Variants in GPC6 observed in about 807,000 individuals in gnomAD.
GPC6 encodes glypican 6, also known as glypican-6.
GPC6 carries 14 observed loss-of-function variants against 55.2 expected under a neutral mutation model. The observed-to-expected ratio is 0.25, with a 90% confidence interval of 0.17 to 0.40. GPC6 has a LOEUF of 0.40. Among genes scored for constraint, GPC6 ranks in the 10% least tolerant of loss-of-function variants. GPC6 has a pLI of 1.00. For missense variants in GPC6, 641 were observed against 708.5 expected, an observed-to-expected ratio of 0.90 and a Z score of 1.08; for synonymous variants, 278 against 259.6, an observed-to-expected ratio of 1.07 and a Z score of -0.68.
intron 1 of GPC6, among the ~76,000 whole-genome samples, chr13:93,366,031 C>A (rs1461865492): frequency 6.6e-6 from 1 of 151,986 alleles, no homozygotes; most frequent in East Asian, 1.9e-4. Flanking sequence ...TCAAAACAAT[C>A]CAAGTAGTGG....
In GPC6 at chr13:93,641,472, C is replaced by T. The variant is rs116324626; in HGVS notation, c.319+96051C>T. ...ACATGCTTAACACACGAAGATCTTT[C>T]TTTCTCCATGTGTAAAATGAGGATA... On this transcript the variant is annotated intron_variant, in intron 2 of 8. Coordinates refer to ENST00000377047, the MANE Select transcript of GPC6 (RefSeq NM_005708.5). Among the ~76,000 whole-genome samples the T allele has an allele frequency of 1.6e-3, 242 of 152,200 alleles. 2 individuals carry two copies. The highest frequency in any genetic ancestry group is 5.5e-3 in the African/African-American group (228 of 41,534).
At chr13:93,709,111 C>T (rs576924457) in intron 2 of GPC6, among the ~76,000 whole-genome samples, 50 of 151,880 alleles carry the variant, frequency 3.3e-4, no homozygotes, top group African/African-American at 1.2e-3. Flanking sequence ...TTTCCATTGC[C>T]ATTTTTAGCA....
intron 4 of GPC6, among the ~76,000 whole-genome samples, chr13:94,029,788 T>A (rs918973027): frequency 6.6e-6 from 1 of 152,214 alleles, no homozygotes; most frequent in Non-Finnish European, 1.5e-5. Context: ...CTTTTTGTCC[T>A]CAGTGCTTAC....
chr13:94,120,505 T>G (rs1047198292), intron 4 of GPC6, among the ~76,000 whole-genome samples: 29 of 152,058 alleles, frequency 1.9e-4, no homozygotes, highest in Admixed American at 1.6e-3. Context: ...AAACTGATCA[T>G]GTACACTTAA....
intron 2 of GPC6, among the ~76,000 whole-genome samples, chr13:93,574,760 C>G (rs9589779): frequency 0.035 from 5,293 of 152,232 alleles, 294 homozygotes; most frequent in African/African-American, 0.12. Flanking sequence ...CACACATCAA[C>G]TCATGTGCGT....
intron 2 of GPC6, among the ~76,000 whole-genome samples, chr13:93,783,181 T>C (rs1885709947): frequency 6.6e-6 from 1 of 152,244 alleles, no homozygotes. Flanking sequence ...TAGTATTCCA[T>C]GGTGTATACA....
intron 3 of GPC6, among the ~76,000 whole-genome samples, chr13:93,898,995 GAT>G (rs1370386756): frequency 7.0e-6 from 1 of 143,552 alleles, no homozygotes; most frequent in Admixed American, 7.1e-5. Flanking sequence ...ATACATCCCA[GAT>G]ATATAGCTTT....
At chr13:93,436,085 A>G (rs1010221172) in intron 1 of GPC6, among the ~76,000 whole-genome samples, 4 of 152,154 alleles carry the variant, frequency 2.6e-5, no homozygotes, top group African/African-American at 9.7e-5. Flanking sequence ...CCAATTGTAG[A>G]TATTTGCATA....
At chr13:94,078,323 A>C (rs1884990726) in intron 4 of GPC6, among the ~76,000 whole-genome samples, 1 of 151,890 alleles carries the variant, frequency 6.6e-6, no homozygotes, top group Non-Finnish European at 1.5e-5. Context: ...GAATGATCTC[A>C]AAAAACCTAA....
chr13:93,800,080 C>T (rs1014343959), intron 2 of GPC6, among the ~76,000 whole-genome samples: 2 of 152,038 alleles, frequency 1.3e-5, no homozygotes, highest in African/African-American at 2.4e-5. Flanking sequence ...TGCTACATCA[C>T]GTAATATTGG....
At chr13:93,554,154 A>AG (rs1875325365) in intron 2 of GPC6, among the ~76,000 whole-genome samples, 1 of 151,740 alleles carries the variant, frequency 6.6e-6, no homozygotes, top group African/African-American at 2.4e-5. Flanking sequence ...TCAAAAAAAA[A>AG]AAAAGAGAGA....
chr13:93,234,844 C>A (rs2139007153), intron 1 of GPC6, among the ~76,000 whole-genome samples: 1 of 152,216 alleles, frequency 6.6e-6, no homozygotes, highest in South Asian at 2.1e-4. Flanking sequence ...AACTCAATAT[C>A]ATTAAACCAG....
intron 2 of GPC6, among the ~76,000 whole-genome samples, chr13:93,590,575 A>G (rs1877415413): frequency 6.6e-6 from 1 of 152,054 alleles, no homozygotes. Flanking sequence ...AAAATTATAT[A>G]TTTCTTTTCG....
At chr13:94,065,402 T>C (rs535505906) in intron 4 of GPC6, among the ~76,000 whole-genome samples, 1 of 152,294 alleles carries the variant, frequency 6.6e-6, no homozygotes, top group African/African-American at 2.4e-5. Flanking sequence ...AACTGACCTT[T>C]AGGAAGTTTG....
At chr13:93,372,954 C>G (rs761571978) in intron 1 of GPC6, among the ~76,000 whole-genome samples, 2 of 152,140 alleles carry the variant, frequency 1.3e-5, no homozygotes, top group Non-Finnish European at 2.9e-5. Flanking sequence ...AAAATATCTT[C>G]CTATTCCCTT....
At chr13:94,209,286 A>G (rs997882765) in intron 4 of GPC6, among the ~76,000 whole-genome samples, 4 of 152,118 alleles carry the variant, frequency 2.6e-5, no homozygotes, top group African/African-American at 9.7e-5. Context: ...GGCTGCCTCT[A>G]GTACTTGGTT....
At chr13:93,315,644 T>C (rs183687839) in intron 1 of GPC6, among the ~76,000 whole-genome samples, 86 of 152,054 alleles carry the variant, frequency 5.7e-4, no homozygotes, top group Admixed American at 2.9e-3. Context: ...TCACTAAGAC[T>C]AAAAGTGTAC....
chr13:93,562,405 A>G (rs921050053), intron 2 of GPC6, among the ~76,000 whole-genome samples: 1 of 152,178 alleles, frequency 6.6e-6, no homozygotes, highest in African/African-American at 2.4e-5. Context: ...GAAACAGGAT[A>G]CTATCATGAG....
intron 4 of GPC6, among the ~76,000 whole-genome samples, chr13:94,271,364 A>ACGCGCG (rs1373300551): frequency 8.1e-4 from 74 of 91,828 alleles, no homozygotes; most frequent in Non-Finnish European, 1.2e-3. Context: ...ATACACACAC[A>ACGCGCG]CACGCGCGCG....
Sources: allele counts gnomAD v4.1 joint callset (sites outside exome capture counted in the v4.1 genomes callset), GRCh38; gene constraint gnomAD v4.1.1; transcripts MANE v1.5; gene names NCBI Gene and HGNC (gene_info 2026-07-23, HGNC 2026-07-21).